VWF: variants seen among roughly 807,000 people sequenced by gnomAD.
VWF encodes von Willebrand factor.
VWF carries 176 observed loss-of-function variants against 308.6 expected under a neutral mutation model. That is an observed-to-expected ratio of 0.57 (90% CI 0.50 to 0.65). The LOEUF is 0.65. Among genes scored for constraint, VWF ranks in the 30% least tolerant of loss-of-function variants. VWF has a pLI of 0.00. For synonymous variants in VWF, 1,385 were observed against 1,443.4 expected, an observed-to-expected ratio of 0.96 and a Z score of 0.92; for missense variants, 3,146 against 3,648.2, an observed-to-expected ratio of 0.86 and a Z score of 3.55.
chr12:5,969,283 C>G lies in VWF; in HGVS notation c.7657G>C (p.Glu2553Gln). The change falls in exon 45 of 52, where the codon GAG (glutamate) becomes CAG (glutamine). Residue 2553 changes from glutamate (E) to glutamine (Q), a missense_variant. Around this residue, in one of 3 missense-constraint regions of VWF, gnomAD observed 989 missense variants for 1,117.4 expected, o/e 0.89. Transcript: ENST00000261405. The stretch of plus-strand genomic sequence containing the variant: ...AAGCCCGAGGGGCAGACAGGGACCT[C>G]CAGCTGGGGGCAGGAGACGTTCCTT... ...QQRNVSCPQLEVPVCPSGFQL... is the reference protein window; with the variant it reads ...QQRNVSCPQLQVPVCPSGFQL... The G allele has an allele frequency of 1.2e-6, 2 of 1,614,132 alleles. No individual in the cohort carries two copies. Among genetic ancestry groups the G allele is most frequent in the Non-Finnish European group, 1.7e-6 (2 of 1,180,024 alleles).
In VWF at chr12:6,063,300, TC is replaced by T. The variant is rs1391668319; in HGVS notation, c.1433-247del. On this transcript the variant is annotated intron_variant, in intron 12 of 51. Transcript: ENST00000261405. The surrounding 1 kb of genome is among the most constrained non-coding windows in gnomAD (Gnocchi z 4.9). Reference sequence around the variant, plus strand: ...TGCACCCCCCGCTATGACCTGCCATTCCCCCTACTGCCACAGGAGGGAGGCA... The same window carrying T: ...TGCACCCCCCGCTATGACCTGCCATTCCCCTACTGCCACAGGAGGGAGGCA... Among the ~76,000 whole-genome samples, 3 of 152,086 alleles carry T rather than the reference TC, an allele frequency of 2.0e-5. No homozygotes were observed. Among genetic ancestry groups the T allele is most frequent in the African/African-American group, 4.8e-5 (2 of 41,464 alleles).
rs538474697 is a variant in VWF at position 6,076,115 on chromosome 12, G to A, written c.658-564C>T. On this transcript the variant is annotated intron_variant, in intron 6 of 51. Coordinates refer to ENST00000261405, the MANE Select transcript of VWF (RefSeq NM_000552.5). ...CCCCAGGTGATTGCTGGGGCCAGACGGGACCAGTTCCCATCAGCAACAGCA... is the reference window on the plus strand; with the variant it reads ...CCCCAGGTGATTGCTGGGGCCAGACAGGACCAGTTCCCATCAGCAACAGCA... Among the ~76,000 whole-genome samples the A allele has an allele frequency of 1.1e-4, 16 of 152,152 alleles. 2 individuals carry two copies. In the South Asian group the frequency reaches 2.7e-3, roughly 26 times the overall value.
In VWF at chr12:6,025,587, T is replaced by C. The variant is rs1944180991; in HGVS notation, c.3215A>G (p.Asn1072Ser). 1.4e-6 allele frequency: 2 copies of C among 1,479,806 alleles called. No individual in the cohort carries two copies. The highest frequency in any genetic ancestry group is 1.9e-6 in the Non-Finnish European group (2 of 1,060,436). The allele number at this position is 1,479,806 out of a possible 1,614,324, so 91.7% of individuals were successfully genotyped here. ...TACCCTCAAGGTCCTCACCAGCTTGTTGCAGTCCTGGAAGACGTCACTGGT... is the reference window on the plus strand; with the variant it reads ...TACCCTCAAGGTCCTCACCAGCTTGCTGCAGTCCTGGAAGACGTCACTGGT... ...ILTSDVFQDCNKLVDPEPYLD... is the reference protein window; with the variant it reads ...ILTSDVFQDCSKLVDPEPYLD... The change falls in exon 24 of 52, where the codon AAC becomes AGC. Residue 1072 changes from asparagine to serine, a missense_variant. Coordinates refer to ENST00000261405, the MANE Select transcript of VWF (RefSeq NM_000552.5).
At chr12:6,116,120 C>T (rs767402743) in intron 3 of VWF, among the ~76,000 whole-genome samples, 9 of 152,142 alleles carry the variant, frequency 5.9e-5, no homozygotes, top group East Asian at 5.8e-4. Flanking sequence ...CATTAGAAAT[C>T]GCCGGTGAGC....
At chr12:6,061,029 C>T (rs768939267) in intron 13 of VWF, among the ~76,000 whole-genome samples, 4 of 152,046 alleles carry the variant, frequency 2.6e-5, no homozygotes, top group African/African-American at 4.8e-5. Context: ...GGTGAAACCC[C>T]ATCTCTATTA....
Position 6,036,474 on chromosome 12 carries a change from T to A in VWF, c.2460A>T (p.Arg820Ser). The A allele has an allele frequency of 6.2e-7, 1 of 1,614,160 alleles. No homozygotes were observed. Reference protein sequence around the residue: ...CPPGMVRHENRCVALERCPCF... With the variant: ...CPPGMVRHENSCVALERCPCF... The stretch of plus-strand genomic sequence containing the variant: ...AGGGACACCTTTCCAGGGCCACACA[T>A]CTGTTCTCATGCCGGACCTAAGAGA... The change falls in exon 19 of 52, where the codon AGA becomes AGT. Residue 820 changes from arginine to serine, a missense_variant. Arg to Ser is a moderately radical substitution (Grantham distance 110). Coordinates refer to ENST00000261405, the MANE Select transcript of VWF (RefSeq NM_000552.5).
intron 34 of VWF, among the ~76,000 whole-genome samples, chr12:6,004,126 T>C (rs1176798887): frequency 6.6e-6 from 1 of 152,180 alleles, no homozygotes; most frequent in Non-Finnish European, 1.5e-5. Context: ...TGTATATTAC[T>C]GAAAATTTAA....
intron 1 of VWF, 63 bp downstream of exon 1, chr12:6,124,358 G>C (rs955605800): frequency 6.6e-6 from 1 of 152,410 alleles, no homozygotes; most frequent in Non-Finnish European, 1.5e-5. Flanking sequence ...CCCAGGAGCA[G>C]GGATCAGTCA....
intron 6 of VWF, among the ~76,000 whole-genome samples, chr12:6,091,699 G>A (rs978821988): frequency 1.1e-4 from 17 of 152,054 alleles, no homozygotes; most frequent in African/African-American, 3.4e-4. Context: ...ATGAGCCACC[G>A]CACCAGGCTA....
At position 6,005,825 on chromosome 12, in the gene VWF, G is replaced by A. The variant is rs189654237; in HGVS notation, c.5842+5792C>T. Among the ~76,000 whole-genome samples, 200 of 152,298 alleles carry A rather than the reference G, an allele frequency of 1.3e-3. 3 individuals are homozygous for A. The highest frequency in any genetic ancestry group is 4.4e-3 in the African/African-American group (184 of 41,570). On this transcript the variant is annotated intron_variant, in intron 34 of 51. Coordinates refer to ENST00000261405, the MANE Select transcript of VWF (RefSeq NM_000552.5). ...TCTCATGTGCACAAAAGCTGAAAGA[G>A]TTCATCACCACTATACCTGCCTTAT...
chr12:6,124,106 C>A (rs1017725651), intron 1 of VWF, among the ~76,000 whole-genome samples: 1 of 152,056 alleles, frequency 6.6e-6, no homozygotes, highest in African/African-American at 2.4e-5. Flanking sequence ...AGCAGGTGTC[C>A]CCTCCCAGTC....
chr12:5,985,006 G>A (rs2136375462), intron 40 of VWF, 39 bp downstream of exon 40: 1 of 1,605,582 alleles, frequency 6.2e-7, no homozygotes, highest in Non-Finnish European at 8.5e-7. Flanking sequence ...CTGGGGCTAG[G>A]GTTGGGCCCT....
chr12:6,010,795 A>G (rs181460397), intron 34 of VWF, among the ~76,000 whole-genome samples: 14 of 152,342 alleles, frequency 9.2e-5, no homozygotes, highest in African/African-American at 3.4e-4. Context: ...CCTAAATTGG[A>G]ACTGGGAGGT....
intron 32 of VWF, 80 bp downstream of exon 32, chr12:6,013,401 G>A (rs2136405382): frequency 6.4e-7 from 1 of 1,571,764 alleles, no homozygotes; most frequent in Non-Finnish European, 8.7e-7. Context: ...GGGGTCTCTT[G>A]AATACTATTT....
At chr12:5,973,419 T>C (rs984451760) in intron 43 of VWF, among the ~76,000 whole-genome samples, 6 of 152,192 alleles carry the variant, frequency 3.9e-5, no homozygotes, top group Admixed American at 6.5e-5. Flanking sequence ...AGCAGCACAA[T>C]CCTTTAAGCA....
chr12:5,985,694 C>A, intron 38 of VWF, 29 bp from the exon 39 acceptor site: 1 of 1,601,902 alleles, frequency 6.2e-7, no homozygotes, highest in Non-Finnish European at 8.5e-7. Flanking sequence ...TCAGAAAGGG[C>A]ACAGGACATT....
chr12:6,032,625 G>A (rs216319), intron 20 of VWF, among the ~76,000 whole-genome samples: 77,899 of 151,034 alleles, frequency 0.52, 21,437 homozygotes, highest in East Asian at 0.72. Flanking sequence ...GTGACAGAGC[G>A]AGACTCTGTC....
In VWF at chr12:6,072,334, G is replaced by C; in HGVS notation, c.1106C>G (p.Thr369Ser). ...PGTSLSRDCNTCICRNSQWIC... is the reference protein window; with the variant it reads ...PGTSLSRDCNSCICRNSQWIC... ...CACGCTGCGCAGCCCCCATTACCAG[G>C]TGTTGCAGTCTCGAGAGAGGGAGGT... The change falls in exon 9 of 52, where the codon ACC (threonine) becomes AGC (serine). Residue 369 changes from threonine (T) to serine (S), a missense_variant. Physicochemically the swap from Thr to Ser is moderately conservative, Grantham distance 58. Coordinates refer to ENST00000261405, the MANE Select transcript of VWF (RefSeq NM_000552.5). The C allele has an allele frequency of 2.5e-6, 4 of 1,613,940 alleles. No individual in the cohort carries two copies. The highest frequency in any genetic ancestry group is 3.4e-6 in the Non-Finnish European group (4 of 1,179,964).
chr12:6,003,154 T>C (rs1190328301), intron 34 of VWF, among the ~76,000 whole-genome samples: 3 of 152,220 alleles, frequency 2.0e-5, no homozygotes, highest in Non-Finnish European at 2.9e-5. Context: ...AATAAAGAAA[T>C]TGAAATCATA....
Sources: gnomAD v4.1 joint callset for allele counts (sites outside exome capture counted in the v4.1 genomes callset) on GRCh38, gnomAD v4.1.1 for gene constraint, gnomAD v4.1.1 regional missense constraint, Gnocchi (gnomAD v3.1) non-coding constraint, MANE v1.5 for transcripts, NCBI Gene and HGNC (gene_info 2026-07-23, HGNC 2026-07-21) for gene names.